ERBB2: variants seen among roughly 807,000 people sequenced by gnomAD.
ERBB2 encodes receptor tyrosine-protein kinase erbB-2.
ERBB2 carries 61 observed loss-of-function variants against 149.0 expected under a neutral mutation model. That is an observed-to-expected ratio of 0.41 (90% CI 0.33 to 0.51). The LOEUF (loss-of-function observed/expected upper bound fraction) is 0.51, where lower values mean the gene tolerates loss of function less well. Among genes scored for constraint, ERBB2 ranks in the 20% least tolerant of loss-of-function variants. The pLI, the probability that ERBB2 is intolerant of heterozygous loss-of-function variation, is 0.25. For synonymous variants in ERBB2, 633 were observed against 678.8 expected (o/e 0.93, Z 1.05); for missense variants, 1,205 against 1,655.1 (o/e 0.73, Z 4.72).
In ERBB2 at chr17:39,723,677, G is replaced by A. The variant is rs2059571872; in HGVS notation, c.2208+17G>A. On this transcript the variant is annotated intron_variant, in intron 18 of 26. Coordinates refer to ENST00000269571, the MANE Select transcript of ERBB2 (RefSeq NM_004448.4). The surrounding 1 kb of genome is among the most constrained non-coding windows in gnomAD (Gnocchi z 6.2). ...GTCTACAAGGTCAGGGCCAGGTCCTGGGGTGGGCGGCCCCAGAGGATGGGG... is the reference window on the plus strand; with the variant it reads ...GTCTACAAGGTCAGGGCCAGGTCCTAGGGTGGGCGGCCCCAGAGGATGGGG... The A allele has an allele frequency of 1.3e-6, 2 of 1,594,916 alleles. No individual in the cohort carries two copies. Among genetic ancestry groups the A allele is most frequent in the South Asian group, 2.3e-5 (2 of 88,320 alleles).
Position 39,700,171 on chromosome 17 carries a change from A to ACCACGCG in ERBB2, c.-66_-65insACGCGCC. On this transcript the variant is annotated 5_prime_UTR_variant, in exon 1 of 27. Coordinates refer to ENST00000269571, the MANE Select transcript of ERBB2 (RefSeq NM_004448.4). ...GCGCCCGGCCCCCACCCCTCGCAGC[A>ACCACGCG]CCCCGCGCCCCGCGCCCTCCCAGCC... 3.0e-6 allele frequency: 4 copies of ACCACGCG among 1,342,730 alleles called. No homozygotes were observed. Among genetic ancestry groups the ACCACGCG allele is most frequent in the Non-Finnish European group, 3.8e-6 (4 of 1,054,516 alleles). The allele number at this position is 1,342,730 out of a possible 1,614,324, so 83.2% of individuals were successfully genotyped here.
Position 39,700,328 on chromosome 17 carries a change from G to T in ERBB2, c.73+17G>T, listed in dbSNP as rs2058014383. The T allele has an allele frequency of 5.1e-6, 7 of 1,370,674 alleles. No homozygotes were observed. Among genetic ancestry groups the T allele is most frequent in the Non-Finnish European group, 6.6e-6 (7 of 1,061,844 alleles). 84.9% of individuals were successfully genotyped at this position (1,370,674 alleles called of 1,614,324 possible). On this transcript the variant is annotated intron_variant, in intron 1 of 26. Transcript: ENST00000269571. ...GCACCCAAGGTGGGTCTGGTGTGGG[G>T]AGGGGACGGAGCAGCGGCGGGACCC...
rs189175355 is a variant in ERBB2 at position 39,713,749 on chromosome 17, T to C, written c.1148+1301T>C. Among the ~76,000 whole-genome samples, 1,021 of 137,486 alleles carry C rather than the reference T, an allele frequency of 7.4e-3. 13 individuals carry two copies. Among genetic ancestry groups the C allele is most frequent in the African/African-American group, 0.029 (967 of 33,642 alleles). The allele number at this position is 137,486 out of a possible 152,430, so 90.2% of individuals were successfully genotyped here. ...GCCTGGGCGACAGAGTGAGACCCTG[T>C]CTCAAAAAGAAAAAAAAAAAAAAGG... On this transcript the variant is annotated intron_variant, in intron 9 of 26. Coordinates refer to ENST00000269571, the MANE Select transcript of ERBB2 (RefSeq NM_004448.4).
intron 13 of ERBB2, 40 bp from the exon 14 acceptor site, chr17:39,716,475 G>A (rs927291057): frequency 6.2e-7 from 1 of 1,613,758 alleles, no homozygotes; most frequent in South Asian, 1.1e-5. Flanking sequence ...GGGTGCATGG[G>A]GCTCCTCTCA....
intron 2 of ERBB2, chr17:39,707,379 C>T: frequency 2.4e-6 from 1 of 409,738 alleles, no homozygotes; most frequent in Non-Finnish European, 4.3e-6. Flanking sequence ...TGTGTTTCCG[C>T]TAAATCTTGT....
At chr17:39,709,953 G>A (rs2145496836) in intron 5 of ERBB2, 72 bp downstream of exon 5, 3 of 1,518,604 alleles carry the variant, frequency 2.0e-6, no homozygotes, top group Non-Finnish European at 2.7e-6. Context: ...TGTCATACAG[G>A]TGACATGGGA....
At chr17:39,700,345 G>A (rs2145272609) in intron 1 of ERBB2, 34 bp downstream of exon 1, 1 of 1,319,718 alleles carries the variant, frequency 7.6e-7, no homozygotes, top group Non-Finnish European at 9.7e-7. Context: ...CGGAGCAGCG[G>A]CGGGACCCTG....
Position 39,709,310 on chromosome 17 carries a change from C to T in ERBB2, c.440-8C>T, listed in dbSNP as rs759962444. ...GAAAGGGTCCTCTGATCATTGCTCA[C>T]CCCACAGAGATCTTGAAAGGAGGGG... is the stretch of plus-strand genomic sequence containing the variant. On this transcript the variant is annotated splice_polypyrimidine_tract_variant and splice_region_variant and intron_variant, in intron 3 of 26. Coordinates refer to ENST00000269571, the MANE Select transcript of ERBB2 (RefSeq NM_004448.4). 1 of 1,614,082 alleles carries T rather than the reference C, an allele frequency of 6.2e-7. No homozygotes were observed. Among genetic ancestry groups the T allele is most frequent in the Non-Finnish European group, 8.5e-7 (1 of 1,179,968 alleles).
In ERBB2 at chr17:39,700,297, C is replaced by T. The variant is rs2145269846; in HGVS notation, c.59C>T (p.Ala20Val). The T allele has an allele frequency of 1.4e-6, 2 of 1,426,496 alleles. No individual in the cohort carries two copies. The highest frequency in any genetic ancestry group is 1.8e-6 in the Non-Finnish European group (2 of 1,091,746). The allele number at this position is 1,426,496 out of a possible 1,614,324, so 88.4% of individuals were successfully genotyped here. A position where few individuals can be genotyped will look rare whatever the true frequency, so the allele number is the denominator to read the frequency against. ...CTCCTCGCCCTCTTGCCCCCCGGAGCCGCGAGCACCCAAGGTGGGTCTGGT... is the reference window on the plus strand; with the variant it reads ...CTCCTCGCCCTCTTGCCCCCCGGAGTCGCGAGCACCCAAGGTGGGTCTGGT... The part of the protein sequence containing the change: ...GLLLALLPPG[A>V]ASTQVCTGTD... The change falls in exon 1 of 27, where the codon GCC becomes GTC. Residue 20 changes from alanine (A) to valine (V), a missense_variant. By Grantham distance (64) the Ala-to-Val change is moderately conservative (BLOSUM62 0). This residue lies in a region of ERBB2 where 101 missense variants were observed against 95.1 expected (regional missense o/e 1.06). Transcript: ENST00000269571.
In ERBB2 at chr17:39,727,846, C is replaced by T. The variant is rs149815705; in HGVS notation, c.3570C>T (p.Ala1190=). The change falls in exon 27 of 27, where the codon GCC becomes GCT. Residue 1190 remains alanine, a synonymous_variant. Coordinates refer to ENST00000269571, the MANE Select transcript of ERBB2 (RefSeq NM_004448.4). The surrounding 1 kb of genome is among the most constrained non-coding windows in gnomAD (Gnocchi z 4.3). ...VVKDVFAFGG[A]VENPEYLTPQ... ...AAGACGTTTTTGCCTTTGGGGGTGC[C>T]GTGGAGAACCCCGAGTACTTGACAC... The T allele has an allele frequency of 4.6e-5, 75 of 1,613,942 alleles. No homozygotes were observed. The African/African-American group carries it at 6.7e-4, about 14-fold the overall frequency.
chr17:39,694,237 A>ATGTG (rs2057790733), upstream of ERBB2, among the ~76,000 whole-genome samples: 1 of 21,226 alleles, frequency 4.7e-5, no homozygotes, highest in Non-Finnish European at 1.1e-4. Context: ...ATATATATAT[A>ATGTG]TATATATATA....
Position 39,725,756 on chromosome 17 carries a change from G to C in ERBB2, c.2775G>C (p.Gly925=), listed in dbSNP as rs575812477. The change falls in exon 23 of 27, where the codon GGG becomes GGC. Residue 925 remains glycine, a synonymous_variant. Coordinates refer to ENST00000269571, the MANE Select transcript of ERBB2 (RefSeq NM_004448.4). The surrounding 1 kb of genome is among the most constrained non-coding windows in gnomAD (Gnocchi z 4.6). ...CTTTTGGGGCCAAACCTTACGATGG[G>C]ATCCCAGCCCGGGAGATCCCTGACC... The part of the protein sequence containing the change: ...LMTFGAKPYD[G]IPAREIPDLL... 1 of 1,613,820 alleles carries C rather than the reference G, an allele frequency of 6.2e-7. No homozygotes were observed. Among genetic ancestry groups the C allele is most frequent in the South Asian group, 1.1e-5 (1 of 91,060 alleles).
In ERBB2 at chr17:39,700,151, C is replaced by T. The variant is rs2057995911; in HGVS notation, c.-88C>T. 2 of 1,320,362 alleles carry T rather than the reference C, an allele frequency of 1.5e-6. No individual in the cohort carries two copies. Among genetic ancestry groups the T allele is most frequent in the East Asian group, 3.1e-5 (1 of 32,314 alleles). 81.8% of individuals were successfully genotyped at this position (1,320,362 alleles called of 1,614,324 possible). ...GGGGCCCTTTACTGCGCCGCGCGCCCGGCCCCCACCCCTCGCAGCACCCCG... is the reference window on the plus strand; with the variant it reads ...GGGGCCCTTTACTGCGCCGCGCGCCTGGCCCCCACCCCTCGCAGCACCCCG... On this transcript the variant is annotated 5_prime_UTR_variant, in exon 1 of 27. Transcript: ENST00000269571.
In ERBB2 at chr17:39,727,751, G is replaced by T. The variant is rs2143292663; in HGVS notation, c.3475G>T (p.Ala1159Ser). Residue 1159 changes from alanine to serine, a missense_variant, in exon 27 of 27, where the codon GCT (alanine) becomes TCT (serine). Physicochemically the swap from Ala to Ser is moderately conservative, Grantham distance 99. Around this residue, in one of 6 missense-constraint regions of ERBB2, gnomAD observed 312 missense variants for 343.8 expected, o/e 0.91. Transcript: ENST00000269571. This position sits in a 1 kb window ranked among gnomAD's most constrained non-coding sequence, Gnocchi z 4.3. ...PPSPREGPLP[A>S]ARPAGATLER... Reference sequence around the variant, plus strand: ...TTCGCCCCGAGAGGGCCCTCTGCCTGCTGCCCGACCTGCTGGTGCCACTCT... The same window carrying T: ...TTCGCCCCGAGAGGGCCCTCTGCCTTCTGCCCGACCTGCTGGTGCCACTCT... The T allele has an allele frequency of 1.9e-6, 3 of 1,598,560 alleles. No individual in the cohort carries two copies. The highest frequency in any genetic ancestry group is 1.7e-6 in the Non-Finnish European group (2 of 1,170,342).
chr17:39,697,354 G>GT (rs60262818), upstream of ERBB2, among the ~76,000 whole-genome samples: 5,203 of 121,918 alleles, frequency 0.043, 302 homozygotes, highest in African/African-American at 0.12. Flanking sequence ...TTTTTGTTTT[G>GT]TTTTTTTTTT....
chr17:39,711,631 C>A (rs1453742041), intron 7 of ERBB2, among the ~76,000 whole-genome samples: 1 of 152,178 alleles, frequency 6.6e-6, no homozygotes, highest in African/African-American at 2.4e-5. Flanking sequence ...AGGGAGAGGA[C>A]AAAATGTAGA....
chr17:39,708,317 C>T lies in ERBB2; in HGVS notation c.226-4C>T, dbSNP rs1287399801. On this transcript the variant is annotated splice_region_variant and splice_polypyrimidine_tract_variant and intron_variant, in intron 2 of 26. Transcript: ENST00000269571. ...TTCAGCCCCACTCTGCTTCCCCCTC[C>T]CAGGATATCCAGGAGGTGCAGGGCT... The T allele has an allele frequency of 1.2e-6, 2 of 1,611,546 alleles. No homozygotes were observed. The highest frequency in any genetic ancestry group is 2.2e-5 in the East Asian group (1 of 44,806).
intron 1 of ERBB2, among the ~76,000 whole-genome samples, chr17:39,702,732 C>T (rs1054628916): frequency 4.3e-4 from 66 of 152,284 alleles, no homozygotes; most frequent in African/African-American, 1.5e-3. Flanking sequence ...AAGAAATGTA[C>T]GGTGTACTTC....
chr17:39,696,291 G>A (rs535805329), upstream of ERBB2, among the ~76,000 whole-genome samples: 670 of 151,970 alleles, frequency 4.4e-3, 22 homozygotes, highest in East Asian at 5.0e-3. Flanking sequence ...TCCCCAGGGC[G>A]TGAGTTCTGA....
Sources: gnomAD v4.1 joint callset for allele counts (sites outside exome capture counted in the v4.1 genomes callset) on GRCh38, gnomAD v4.1.1 for gene constraint, gnomAD v4.1.1 regional missense constraint, Gnocchi (gnomAD v3.1) non-coding constraint, MANE v1.5 for transcripts, NCBI Gene and HGNC (gene_info 2026-07-23, HGNC 2026-07-21) for gene names.